The following NAALADL2 variants were observed in gnomAD, a reference collection of about 807,000 sequenced individuals.
The protein encoded by NAALADL2 is inactive N-acetylated-alpha-linked acidic dipeptidase-like protein 2.
NAALADL2 carries 76 observed loss-of-function variants against 87.2 expected under a neutral mutation model. The observed-to-expected ratio is 0.87, with a 90% confidence interval of 0.72 to 1.05. The LOEUF is 1.05. Among genes scored for constraint, NAALADL2 ranks in the 50% least tolerant of loss-of-function variants. The pLI is 0.00. For missense variants in NAALADL2, 1,089 were observed against 945.8 expected (o/e 1.15, Z -1.99); for synonymous variants, 354 against 331.0 (o/e 1.07, Z -0.75).
chr3:175,615,788 C>T (rs898773957), intron 10 of NAALADL2, among the ~76,000 whole-genome samples: 4 of 151,170 alleles, frequency 2.6e-5, no homozygotes, highest in South Asian at 2.1e-4. Context: ...ACTCAGGATG[C>T]GGTGGGTGCA....
chr3:175,732,681 G>A (rs1743934593), intron 11 of NAALADL2, among the ~76,000 whole-genome samples: 1 of 152,138 alleles, frequency 6.6e-6, no homozygotes, highest in South Asian at 2.1e-4. Flanking sequence ...AGGGCAGGGA[G>A]ACCTTGAGGC....
chr3:175,208,270 T>C (rs934859903), intron 2 of NAALADL2, among the ~76,000 whole-genome samples: 1 of 152,118 alleles, frequency 6.6e-6, no homozygotes, highest in Admixed American at 6.6e-5. Flanking sequence ...GCAGTTTGGG[T>C]ATGTCAATTC....
At position 175,448,516 on chromosome 3, in the gene NAALADL2, A is replaced by G. The variant is rs538208551; in HGVS notation, c.1234+1144A>G. ...CAATACAGAGCCCCCAATACATTCC[A>G]GCCACTGTCCTGCCCTCAAGGAGCT... On this transcript the variant is annotated intron_variant, in intron 6 of 13. Coordinates refer to ENST00000454872, the MANE Select transcript of NAALADL2 (RefSeq NM_207015.3). Among the ~76,000 whole-genome samples, 15 of 152,312 alleles carry G rather than the reference A, an allele frequency of 9.8e-5. No homozygotes were observed. The South Asian group carries it at 3.1e-3, about 32-fold the overall frequency.
chr3:175,518,515 A>G (rs1295094277), intron 9 of NAALADL2, among the ~76,000 whole-genome samples: 1 of 152,214 alleles, frequency 6.6e-6, no homozygotes, highest in Non-Finnish European at 1.5e-5. Flanking sequence ...TAATTTATTT[A>G]AAAGGAAATT....
chr3:174,846,916 G>A (rs1724685931), intron 3 of NAALADL2, among the ~76,000 whole-genome samples: 1 of 152,106 alleles, frequency 6.6e-6, no homozygotes, highest in African/African-American at 2.4e-5. Context: ...TGTATTTAGG[G>A]AATTGTTCTC....
At chr3:175,439,257 C>A (rs1237325773) in intron 5 of NAALADL2, among the ~76,000 whole-genome samples, 2 of 151,900 alleles carry the variant, frequency 1.3e-5, no homozygotes, top group Middle Eastern at 3.4e-3. Context: ...GGCATTTGGG[C>A]TGGTTCCTTA....
intron 9 of NAALADL2, among the ~76,000 whole-genome samples, chr3:175,564,632 A>T (rs1716817143): frequency 6.6e-6 from 1 of 152,208 alleles, no homozygotes; most frequent in Admixed American, 6.5e-5. Context: ...TCAGCATGGA[A>T]CAGCATTGTG....
intron 10 of NAALADL2, among the ~76,000 whole-genome samples, chr3:175,579,132 T>C (rs1719362261): frequency 6.6e-6 from 1 of 152,194 alleles, no homozygotes; most frequent in Admixed American, 6.6e-5. Context: ...ATTATATCCA[T>C]GGTTTTGAAG....
At position 175,234,207 on chromosome 3, in the gene NAALADL2, A is replaced by C; in HGVS notation, c.819+3A>C. ...ATTCTGCCAAAGGAACTCTCAAGGT[A>C]ATATGACCATTTGTCTCTGTCATTT... On this transcript the variant is annotated splice_donor_region_variant and intron_variant, in intron 3 of 13. Coordinates refer to ENST00000454872, the MANE Select transcript of NAALADL2 (RefSeq NM_207015.3). 1.2e-6 allele frequency: 2 copies of C among 1,612,274 alleles called. No individual in the cohort carries two copies. Among genetic ancestry groups the C allele is most frequent in the Non-Finnish European group, 1.7e-6 (2 of 1,178,934 alleles).
chr3:175,701,401 C>A (rs1371492273), intron 11 of NAALADL2, among the ~76,000 whole-genome samples: 1 of 152,112 alleles, frequency 6.6e-6, no homozygotes, highest in Non-Finnish European at 1.5e-5. Context: ...TAGATTTCTA[C>A]TTTTATATGG....
At chr3:175,565,779 A>G (rs1717005733) in intron 9 of NAALADL2, among the ~76,000 whole-genome samples, 1 of 149,166 alleles carries the variant, frequency 6.7e-6, no homozygotes, top group Non-Finnish European at 1.5e-5. Flanking sequence ...CATATCTGTT[A>G]CATGGTTTGT....
chr3:175,577,201 C>G (rs114478774), intron 10 of NAALADL2, among the ~76,000 whole-genome samples: 1 of 152,140 alleles, frequency 6.6e-6, no homozygotes, highest in African/African-American at 2.4e-5. Context: ...AATTATTTAA[C>G]ATCTTTCAAA....
chr3:174,525,914 G>A lies in NAALADL2; in HGVS notation c.-183-24655G>A, dbSNP rs569161629. On this transcript the variant is annotated intron_variant, in intron 1 of 3. Coordinates refer to the NAALADL2 transcript ENST00000434257. Reference sequence around the variant, plus strand: ...AATCCCCATAATAATGGGGGAGCATGGATTATTGTTCTGATCTTATACAAG... The same window carrying A: ...AATCCCCATAATAATGGGGGAGCATAGATTATTGTTCTGATCTTATACAAG... 4.6e-5 allele frequency among the ~76,000 whole-genome samples: 7 copies of A among 152,198 alleles called. No individual in the cohort carries two copies. In the South Asian group the frequency reaches 1.2e-3, roughly 27 times the overall value.
intron 11 of NAALADL2, among the ~76,000 whole-genome samples, chr3:175,708,559 G>A (rs1206591738): frequency 6.6e-6 from 1 of 151,574 alleles, no homozygotes; most frequent in African/African-American, 2.4e-5. Context: ...GATGGACAAA[G>A]TAGAGACGGA....
At chr3:175,050,911 G>C (rs967712686) in intron 1 of NAALADL2, among the ~76,000 whole-genome samples, 1 of 152,054 alleles carries the variant, frequency 6.6e-6, no homozygotes, top group Non-Finnish European at 1.5e-5. Flanking sequence ...GAAAAAACTA[G>C]GGTTGTTTTA....
chr3:175,809,245 T>C lies in NAALADL2; in HGVS notation c.*6042T>C, dbSNP rs993413975. 1 of 151,826 alleles carries C rather than the reference T, an allele frequency of 6.6e-6. No homozygotes were observed. Among genetic ancestry groups the C allele is most frequent in the African/African-American group, 2.4e-5 (1 of 41,386 alleles). The allele number at this position is 151,826 out of a possible 1,614,324, so 9.4% of individuals were successfully genotyped here. A position where few individuals can be genotyped will look rare whatever the true frequency, so the allele number is the denominator to read the frequency against. On this transcript the variant is annotated 3_prime_UTR_variant, in exon 14 of 14. Coordinates refer to ENST00000454872, the MANE Select transcript of NAALADL2 (RefSeq NM_207015.3). ...CCGCAGGAAGCAAAATGCCAGATGG[T>C]TAAGTGTAGCTCACATAATTATATT...
intron 1 of NAALADL2, among the ~76,000 whole-genome samples, chr3:174,488,087 T>G (rs77652250): frequency 2.0e-5 from 3 of 152,146 alleles, no homozygotes; most frequent in Non-Finnish European, 2.9e-5. Context: ...TGGAGATAGC[T>G]CAGAAGTTTA....
intron 2 of NAALADL2, among the ~76,000 whole-genome samples, chr3:174,726,502 G>A (rs1403345114): frequency 6.6e-6 from 1 of 151,952 alleles, no homozygotes; most frequent in Non-Finnish European, 1.5e-5. Flanking sequence ...TGTCTTCTGA[G>A]TGAACTTTTT....
At chr3:175,667,006 T>C (rs1177124005) in intron 11 of NAALADL2, among the ~76,000 whole-genome samples, 3 of 151,710 alleles carry the variant, frequency 2.0e-5, no homozygotes. Context: ...AAATATGGCA[T>C]GGTGTGGTAA....
Sources: gnomAD v4.1 joint callset for allele counts (sites outside exome capture counted in the v4.1 genomes callset) on GRCh38, gnomAD v4.1.1 for gene constraint, MANE v1.5 for transcripts, NCBI Gene and HGNC (gene_info 2026-07-23, HGNC 2026-07-21) for gene names.